The following CDC123 variants were observed in gnomAD, a reference collection of about 807,000 sequenced individuals.
CDC123 encodes the protein translation initiation factor eIF2 assembly protein.
CDC123 carries 37 observed loss-of-function variants against 54.4 expected under a neutral mutation model. That is an observed-to-expected ratio of 0.68 (90% CI 0.52 to 0.89). CDC123 has a LOEUF of 0.89. CDC123 is among the 40% of genes least tolerant of loss of function. The pLI is 0.00. For missense variants in CDC123, 361 were observed against 412.1 expected, an observed-to-expected ratio of 0.88 and a Z score of 1.07; for synonymous variants, 144 against 136.8, an observed-to-expected ratio of 1.05 and a Z score of -0.37.
At position 12,198,734 on chromosome 10, in the gene CDC123, A is replaced by G; in HGVS notation, c.104A>G (p.Lys35Arg). The part of the protein sequence containing the change: ...SVILPLPQNV[K>R]DYLLDDGTLV... ...ATTCTTCCACTTCCTCAGAATGTGAAGGATTATTTACTCGATGATGGAACT... is the reference window on the plus strand; with the variant it reads ...ATTCTTCCACTTCCTCAGAATGTGAGGGATTATTTACTCGATGATGGAACT... Residue 35 changes from lysine to arginine, a missense_variant, in exon 2 of 13, where the codon AAG becomes AGG. Physicochemically the swap from Lys to Arg is conservative, Grantham distance 26. Transcript: ENST00000281141. 2 of 1,597,786 alleles carry G rather than the reference A, an allele frequency of 1.3e-6. No homozygotes were observed. Among genetic ancestry groups the G allele is most frequent in the Non-Finnish European group, 1.7e-6 (2 of 1,170,170 alleles).
At chr10:12,224,998 G>C (rs1345630480) in intron 6 of CDC123, among the ~76,000 whole-genome samples, 1 of 152,142 alleles carries the variant, frequency 6.6e-6, no homozygotes, top group African/African-American at 2.4e-5. Flanking sequence ...GAATGGTGCA[G>C]ACTTCCTGCT....
chr10:12,231,524 T>C (rs1204246288), intron 7 of CDC123, among the ~76,000 whole-genome samples: 1 of 151,014 alleles, frequency 6.6e-6, no homozygotes, highest in African/African-American at 2.4e-5. Context: ...ACTCAGGAGA[T>C]TGAGGCTGAA....
chr10:12,206,986 G>C (rs1210463425), intron 2 of CDC123, among the ~76,000 whole-genome samples: 1 of 150,116 alleles, frequency 6.7e-6, no homozygotes, highest in Non-Finnish European at 1.5e-5. Context: ...AAGATTGGAA[G>C]CATTATTGTA....
intron 10 of CDC123, among the ~76,000 whole-genome samples, chr10:12,241,978 G>T (rs1235595313): frequency 6.6e-6 from 1 of 151,152 alleles, no homozygotes; most frequent in Non-Finnish European, 1.5e-5. Flanking sequence ...TCTTGTTTCT[G>T]GCCCCGGGGG....
Position 12,238,482 on chromosome 10 carries a change from T to A in CDC123, c.714T>A (p.Ser238Arg), listed in dbSNP as rs779695804. 2 of 1,607,952 alleles carry A rather than the reference T, an allele frequency of 1.2e-6. No individual in the cohort carries two copies. The highest frequency in any genetic ancestry group is 2.2e-5 in the South Asian group (2 of 89,576). Residue 238 changes from serine to arginine, a missense_variant, in exon 10 of 13, where the codon AGT becomes AGA. Ser to Arg is a moderately radical substitution (Grantham distance 110). Transcript: ENST00000281141. ...EDFVFDIYRD[S>R]RGKVWLIDFN... Reference sequence around the variant, plus strand: ...TTGTGTTCGATATATACAGAGACAGTAGGGTAAGTAAAAACTCTTTCTGAT... The same window carrying A: ...TTGTGTTCGATATATACAGAGACAGAAGGGTAAGTAAAAACTCTTTCTGAT...
intron 6 of CDC123, among the ~76,000 whole-genome samples, chr10:12,221,062 TTATATATAA>T (rs1168582274): frequency 1.3e-5 from 2 of 150,776 alleles, no homozygotes; most frequent in Non-Finnish European, 3.0e-5. Flanking sequence ...TATAATACAG[TTATATATAA>T]TATGTATAAA....
intron 10 of CDC123, among the ~76,000 whole-genome samples, chr10:12,244,212 C>A (rs1406382908): frequency 1.3e-5 from 2 of 152,244 alleles, no homozygotes; most frequent in Non-Finnish European, 2.9e-5. Context: ...ATTAGGCATG[C>A]TGGCTCAGCG....
intron 6 of CDC123, among the ~76,000 whole-genome samples, chr10:12,227,280 AGAGGGGGAGGGG>A (rs534207829): frequency 1.1e-4 from 6 of 54,254 alleles, no homozygotes; most frequent in South Asian, 7.2e-4. Context: ...GACCATGGGG[AGAGGGGGAGGGG>A]GAGGGGGAGG....
At chr10:12,227,157 G>A (rs1036342873) in intron 6 of CDC123, among the ~76,000 whole-genome samples, 4 of 152,100 alleles carry the variant, frequency 2.6e-5, no homozygotes, top group African/African-American at 7.2e-5. Flanking sequence ...TCGGCAGGCT[G>A]AAGCAGGAGA....
intron 6 of CDC123, among the ~76,000 whole-genome samples, chr10:12,228,921 C>T (rs1391606356): frequency 5.9e-5 from 9 of 152,128 alleles, no homozygotes; most frequent in Admixed American, 5.9e-4. Context: ...TGCCATGTTG[C>T]TCAGACTGGT....
intron 2 of CDC123, among the ~76,000 whole-genome samples, chr10:12,204,916 C>T (rs755137421): frequency 6.7e-5 from 10 of 149,018 alleles, no homozygotes; most frequent in Non-Finnish European, 1.5e-4. Flanking sequence ...TCACCTGAAC[C>T]TGGAAGATGG....
intron 10 of CDC123, among the ~76,000 whole-genome samples, chr10:12,239,550 T>C (rs1348654559): frequency 6.6e-6 from 1 of 151,072 alleles, no homozygotes; most frequent in East Asian, 2.0e-4. Flanking sequence ...CTGTCTCTAC[T>C]AAAAATACAA....
chr10:12,221,840 A>G (rs1358779101), intron 6 of CDC123, among the ~76,000 whole-genome samples: 5 of 150,752 alleles, frequency 3.3e-5, no homozygotes, highest in African/African-American at 1.2e-4. Flanking sequence ...GTGTTAGTGT[A>G]TTTTATATGT....
At chr10:12,227,340 A>G (rs938110295) in intron 6 of CDC123, among the ~76,000 whole-genome samples, 2 of 152,062 alleles carry the variant, frequency 1.3e-5, no homozygotes, top group Non-Finnish European at 2.9e-5. Flanking sequence ...ATAAAATACT[A>G]GTACGGAGCC....
At chr10:12,203,125 G>A (rs1368373925) in intron 2 of CDC123, among the ~76,000 whole-genome samples, 3 of 152,192 alleles carry the variant, frequency 2.0e-5, no homozygotes, top group South Asian at 2.1e-4. Flanking sequence ...CTACCTACAC[G>A]TGCCACCTTC....
intron 2 of CDC123, among the ~76,000 whole-genome samples, chr10:12,200,232 T>C (rs992286828): frequency 4.7e-5 from 7 of 149,930 alleles, no homozygotes; most frequent in African/African-American, 1.7e-4. Flanking sequence ...GTTCAAGTGA[T>C]TTTCTTGCTA....
At chr10:12,204,877 C>G (rs1408938688) in intron 2 of CDC123, among the ~76,000 whole-genome samples, 3 of 151,102 alleles carry the variant, frequency 2.0e-5, no homozygotes, top group Admixed American at 6.6e-5. Context: ...CCTGTAATCT[C>G]AGCTGCTCAG....
intron 6 of CDC123, among the ~76,000 whole-genome samples, chr10:12,220,893 C>G (rs1368012806): frequency 6.6e-6 from 1 of 151,768 alleles, no homozygotes; most frequent in East Asian, 1.9e-4. Context: ...AGGAGAATGG[C>G]GTGAACCCGG....
chr10:12,218,224 A>G (rs896669237), intron 6 of CDC123, among the ~76,000 whole-genome samples: 24 of 148,868 alleles, frequency 1.6e-4, no homozygotes, highest in African/African-American at 5.9e-4. Context: ...ATGGGATCCT[A>G]TAGTTTGTAT....
Sources: gnomAD v4.1 joint callset for allele counts (sites outside exome capture counted in the v4.1 genomes callset) on GRCh38, gnomAD v4.1.1 for gene constraint, MANE v1.5 for transcripts, NCBI Gene and HGNC (gene_info 2026-07-23, HGNC 2026-07-21) for gene names.